Variants in DMD observed in about 807,000 individuals in gnomAD.
The protein encoded by DMD is dystrophin, also known as mutant dystrophin.
A neutral mutation model predicts 330.1 loss-of-function variants in DMD; 63 were observed. That is an observed-to-expected ratio of 0.19 (90% confidence interval 0.16 to 0.24). The LOEUF (loss-of-function observed/expected upper bound fraction) is 0.24, where lower values mean the gene tolerates loss of function less well. Ranked by LOEUF, DMD falls within the 10% of genes least tolerant of loss-of-function variation. DMD has a pLI of 1.00. For missense variants in DMD, 3,344 were observed against 2,684.1 expected (o/e 1.25, Z -5.43); for synonymous variants, 1,223 against 959.8 (o/e 1.27, Z -5.07).
chrX:33,335,576 G>T (rs1490552642), intron 1 of DMD, among the ~76,000 whole-genome samples: 2 of 110,421 alleles, frequency 1.8e-5, no homozygotes, highest in African/African-American at 6.6e-5. Context: ...CAGTTTTTAG[G>T]TGGTCATAAT....
At chrX:31,211,590 G>C (rs1318119728) in intron 64 of DMD, among the ~76,000 whole-genome samples, 1 of 112,472 alleles carries the variant, frequency 8.9e-6, no homozygotes, top group Non-Finnish European at 1.9e-5. Flanking sequence ...TTAGCCGTGT[G>C]ATGGAAATGA....
intron 4 of DMD, among the ~76,000 whole-genome samples, chrX:32,833,484 T>A (rs1344957832): frequency 1.8e-5 from 2 of 110,435 alleles, no homozygotes; most frequent in African/African-American, 6.5e-5. Flanking sequence ...GAATATATAT[T>A]AGAGGGCATT....
intron 60 of DMD, among the ~76,000 whole-genome samples, chrX:31,433,095 A>T (rs1199242357): frequency 1.8e-5 from 2 of 111,865 alleles, no homozygotes; most frequent in Non-Finnish European, 3.8e-5. Flanking sequence ...TCCCAACTTT[A>T]CATCCATGTG....
At chrX:32,683,313 A>G (rs2147350527) in intron 9 of DMD, among the ~76,000 whole-genome samples, 1 of 110,976 alleles carries the variant, frequency 9.0e-6, no homozygotes, top group South Asian at 3.9e-4. Flanking sequence ...AAAGGATTAT[A>G]AATCATGCTG....
intron 51 of DMD, among the ~76,000 whole-genome samples, chrX:31,754,045 A>G (rs1287661875): frequency 8.9e-6 from 1 of 111,751 alleles, no homozygotes; most frequent in Non-Finnish European, 1.9e-5. Flanking sequence ...AGTGAAGTCT[A>G]TGGCATGGCT....
At chrX:33,212,281 T>G (rs946445955), upstream of DMD, among the ~76,000 whole-genome samples, 1 of 112,231 alleles carries the variant, frequency 8.9e-6, no homozygotes, top group Non-Finnish European at 1.9e-5. Flanking sequence ...AAAACACCAT[T>G]TTTTTAGACA....
chrX:31,729,535 T>C (rs886112105), intron 52 of DMD, 96 bp downstream of exon 52: 2 of 651,554 alleles, frequency 3.1e-6, no homozygotes, highest in African/African-American at 4.3e-5. Context: ...TTTCACATTA[T>C]TTTTATAAAT....
At chrX:31,896,748 C>T (rs1466249262) in intron 47 of DMD, among the ~76,000 whole-genome samples, 1 of 110,742 alleles carries the variant, frequency 9.0e-6, no homozygotes, top group African/African-American at 3.3e-5. Flanking sequence ...ACTTTGAAGA[C>T]CCCATCGTTT....
intron 52 of DMD, among the ~76,000 whole-genome samples, chrX:31,704,663 C>A (rs1877874626): frequency 9.0e-6 from 1 of 111,261 alleles, no homozygotes; most frequent in Admixed American, 9.6e-5. Context: ...CTTTTTAACC[C>A]AAACAAAAAG....
At chrX:31,627,017 C>G (rs1431121327) in intron 55 of DMD, among the ~76,000 whole-genome samples, 8 of 111,802 alleles carry the variant, frequency 7.2e-5, no homozygotes, top group Non-Finnish European at 7.5e-5. Flanking sequence ...CCTCCTTGTA[C>G]TACAGAATAT....
intron 62 of DMD, among the ~76,000 whole-genome samples, chrX:31,282,564 C>T (rs2052703809): frequency 9.0e-6 from 1 of 110,642 alleles, no homozygotes; most frequent in Non-Finnish European, 1.9e-5. Flanking sequence ...AAAAAAAATC[C>T]ATTATTTAAC....
intron 2 of DMD, among the ~76,000 whole-genome samples, chrX:32,960,774 T>C (rs894231015): frequency 1.8e-5 from 2 of 110,995 alleles, no homozygotes; most frequent in Admixed American, 9.7e-5. Flanking sequence ...TATCTTTGGA[T>C]AACTGGTTAT....
intron 2 of DMD, among the ~76,000 whole-genome samples, chrX:32,860,106 G>T (rs1294575318): frequency 8.9e-6 from 1 of 111,809 alleles, no homozygotes; most frequent in Non-Finnish European, 1.9e-5. Flanking sequence ...ATGAAATAAA[G>T]AAATACGGAA....
At chrX:32,946,394 G>C (rs1211171424) in intron 2 of DMD, among the ~76,000 whole-genome samples, 2 of 111,179 alleles carry the variant, frequency 1.8e-5, no homozygotes, top group Non-Finnish European at 3.8e-5. Flanking sequence ...TAACTATTAA[G>C]AAAAGTACAG....
At chrX:31,430,232 C>T (rs1383828354) in intron 60 of DMD, among the ~76,000 whole-genome samples, 3 of 111,264 alleles carry the variant, frequency 2.7e-5, no homozygotes, top group Non-Finnish European at 5.7e-5. Context: ...CCTCAACAAG[C>T]CTGGTGGCTG....
At chrX:33,238,438 T>C (rs891807613) in intron 1 of DMD, among the ~76,000 whole-genome samples, 1 of 111,885 alleles carries the variant, frequency 8.9e-6, no homozygotes, top group African/African-American at 3.2e-5. Flanking sequence ...TATTTAGAAA[T>C]ACCAGATTCA....
chrX:32,682,567 G>A (rs1464739205), intron 9 of DMD, among the ~76,000 whole-genome samples: 2 of 111,085 alleles, frequency 1.8e-5, no homozygotes, highest in East Asian at 5.7e-4. Context: ...TTTCAATTTT[G>A]GAATTTAATT....
At chrX:33,018,778 T>G (rs12833841) in intron 2 of DMD, among the ~76,000 whole-genome samples, 3,918 of 111,661 alleles carry the variant, frequency 0.035, 126 homozygotes, top group East Asian at 0.2. Flanking sequence ...AATTAAACTA[T>G]ATATAACCAT....
intron 51 of DMD, among the ~76,000 whole-genome samples, chrX:31,760,308 C>T (rs904106879): frequency 8.9e-6 from 1 of 112,239 alleles, no homozygotes; most frequent in East Asian, 2.8e-4. Context: ...AAGCTATACA[C>T]ATTTAATGAA....
Sources: gnomAD v4.1 joint callset for allele counts (sites outside exome capture counted in the v4.1 genomes callset) on GRCh38, gnomAD v4.1.1 for gene constraint, MANE v1.5 for transcripts, NCBI Gene and HGNC (gene_info 2026-07-23, HGNC 2026-07-21) for gene names.